The following FGGY variants were observed in gnomAD, a reference collection of about 807,000 sequenced individuals.
FGGY encodes FGGY carbohydrate kinase domain-containing protein.
A neutral mutation model predicts 71.3 loss-of-function variants in FGGY; 72 were observed. That is an observed-to-expected ratio of 1.01 (90% CI 0.84 to 1.23). The LOEUF (loss-of-function observed/expected upper bound fraction) is 1.23. Among genes scored for constraint, FGGY ranks in the 50% most tolerant of loss-of-function variants. FGGY has a pLI of 0.00. For missense variants in FGGY, 668 were observed against 682.3 expected (o/e 0.98, Z 0.23); for synonymous variants, 251 against 250.3 (o/e 1.00, Z -0.02).
intron 9 of FGGY, among the ~76,000 whole-genome samples, chr1:59,620,748 C>T (rs544216886): frequency 5.3e-4 from 81 of 152,128 alleles, no homozygotes; most frequent in African/African-American, 1.9e-3. Context: ...ACTTTGAATG[C>T]ATATTATGAT....
intron 6 of FGGY, among the ~76,000 whole-genome samples, chr1:59,459,617 T>A (rs552047469): frequency 6.6e-6 from 1 of 152,196 alleles, no homozygotes; most frequent in Admixed American, 6.5e-5. Flanking sequence ...TGTCAATAAA[T>A]TTTGACCTTT....
intron 7 of FGGY, among the ~76,000 whole-genome samples, chr1:59,522,587 C>T (rs980366627): frequency 3.3e-5 from 5 of 152,082 alleles, no homozygotes; most frequent in Non-Finnish European, 5.9e-5. Context: ...TTAATGTTGA[C>T]GTTAATTTTG....
chr1:59,657,373 A>G (rs1311694367), intron 11 of FGGY, among the ~76,000 whole-genome samples: 1 of 152,178 alleles, frequency 6.6e-6, no homozygotes, highest in Non-Finnish European at 1.5e-5. Flanking sequence ...AGGCTCTAGA[A>G]CAGTGCACTA....
chr1:59,649,175 A>T (rs916293584), intron 11 of FGGY, among the ~76,000 whole-genome samples: 8 of 149,936 alleles, frequency 5.3e-5, no homozygotes, highest in African/African-American at 2.0e-4. Flanking sequence ...GTTTGAAGTC[A>T]GGTAGTGTGA....
At position 59,321,627 on chromosome 1, in the gene FGGY, G is replaced by C; in HGVS notation, c.78G>C (p.Leu26=). ...GAACAGGCAGTGTCCGTGCAGCTCT[G>C]GTGGACCAGAGTGGGGTCCTGTTGG... The part of the protein sequence containing the change: ...DVGTGSVRAA[L]VDQSGVLLAF... The change falls in exon 2 of 16, where the codon CTG becomes CTC. Residue 26 remains leucine (L), a synonymous_variant. Transcript: ENST00000303721. 6.2e-7 allele frequency: 1 copy of C among 1,613,850 alleles called. No homozygotes were observed. The highest frequency in any genetic ancestry group is 1.1e-5 in the South Asian group (1 of 91,048).
chr1:59,381,249 G>T (rs564565860), intron 5 of FGGY, among the ~76,000 whole-genome samples: 7 of 152,156 alleles, frequency 4.6e-5, no homozygotes, highest in Admixed American at 4.6e-4. Flanking sequence ...TTGTTCTTTT[G>T]GCTTAGGATT....
chr1:59,330,111 T>C (rs188301888), intron 2 of FGGY, among the ~76,000 whole-genome samples: 1 of 152,330 alleles, frequency 6.6e-6, no homozygotes, highest in African/African-American at 2.4e-5. Context: ...CATTTTTTGT[T>C]ATCAAATAAT....
intron 11 of FGGY, among the ~76,000 whole-genome samples, chr1:59,659,903 G>A (rs977822232): frequency 1.3e-5 from 2 of 152,106 alleles, no homozygotes; most frequent in Non-Finnish European, 2.9e-5. Flanking sequence ...ATAGGTATTT[G>A]TAAGAAAAGA....
intron 6 of FGGY, among the ~76,000 whole-genome samples, chr1:59,503,182 A>G (rs17555959): frequency 0.18 from 26,685 of 152,184 alleles, 2,923 homozygotes; most frequent in Middle Eastern, 0.3. Context: ...TTGCAATATC[A>G]TAGACTCTTC....
intron 6 of FGGY, among the ~76,000 whole-genome samples, chr1:59,498,077 G>T (rs2094103515): frequency 6.6e-6 from 1 of 152,158 alleles, no homozygotes; most frequent in South Asian, 2.1e-4. Context: ...GGTATAACAG[G>T]ATTCTACATG....
intron 14 of FGGY, among the ~76,000 whole-genome samples, chr1:59,675,763 G>A (rs574894514): frequency 8.5e-5 from 13 of 152,146 alleles, no homozygotes; most frequent in Non-Finnish European, 1.5e-4. Flanking sequence ...AAACAGGGGG[G>A]ATGCTTACTA....
chr1:59,541,071 GT>G (rs2095432814), intron 7 of FGGY, among the ~76,000 whole-genome samples: 1 of 152,206 alleles, frequency 6.6e-6, no homozygotes, highest in South Asian at 2.1e-4. Flanking sequence ...TTGTTTGTTT[GT>G]TTTTTGATGT....
At chr1:59,463,077 G>C (rs943848012) in intron 6 of FGGY, among the ~76,000 whole-genome samples, 6 of 152,176 alleles carry the variant, frequency 3.9e-5, no homozygotes, top group African/African-American at 1.2e-4. Flanking sequence ...ATCAATGACA[G>C]ACTGGATTAA....
chr1:59,659,360 T>G (rs767952362), intron 11 of FGGY, among the ~76,000 whole-genome samples: 4 of 152,074 alleles, frequency 2.6e-5, no homozygotes, highest in Non-Finnish European at 5.9e-5. Flanking sequence ...ACCACTCAGC[T>G]CCCTTATTTT....
In FGGY at chr1:59,384,292, G is replaced by A. The variant is rs200943395; in HGVS notation, c.554+5455G>A. Among the ~76,000 whole-genome samples the A allele has an allele frequency of 3.3e-5, 5 of 152,028 alleles. No individual in the cohort carries two copies. The East Asian group carries it at 9.6e-4, about 29-fold the overall frequency. On this transcript the variant is annotated intron_variant, in intron 5 of 15. Coordinates refer to ENST00000303721, the MANE Select transcript of FGGY (RefSeq NM_018291.5). ...TTCCCATTTCCCTCTCTTCCAGAGA[G>A]CAAAGCCTGTGGACCTTGGGTACCA...
chr1:59,581,069 T>C lies in FGGY; in HGVS notation c.904-26734T>C, dbSNP rs905743202. On this transcript the variant is annotated intron_variant, in intron 8 of 15. Coordinates refer to ENST00000303721, the MANE Select transcript of FGGY (RefSeq NM_018291.5). ...CTGTTGAGCACATGAAGTCATTTTC[T>C]TTCTTCCCTGAAATGCTTTGGGGGA... Among the ~76,000 whole-genome samples the C allele has an allele frequency of 4.4e-5, 6 of 136,958 alleles. 2 individuals carry two copies. Among genetic ancestry groups the C allele is most frequent in the African/African-American group, 1.9e-4 (6 of 30,900 alleles). 89.8% of individuals were successfully genotyped at this position (136,958 alleles called of 152,430 possible).
At chr1:59,525,947 AT>A (rs2094964997) in intron 7 of FGGY, among the ~76,000 whole-genome samples, 1 of 152,052 alleles carries the variant, frequency 6.6e-6, no homozygotes, top group Non-Finnish European at 1.5e-5. Context: ...GTATATCTGT[AT>A]GTAGTTGTGC....
intron 14 of FGGY, among the ~76,000 whole-genome samples, chr1:59,693,303 C>T (rs983226429): frequency 1.3e-5 from 2 of 152,226 alleles, no homozygotes; most frequent in African/African-American, 4.8e-5. Flanking sequence ...AGTTTTCTAT[C>T]AGTAAAATTT....
At chr1:59,495,041 C>T (rs2093989776) in intron 6 of FGGY, among the ~76,000 whole-genome samples, 1 of 152,138 alleles carries the variant, frequency 6.6e-6, no homozygotes, top group South Asian at 2.1e-4. Context: ...TAATGATAGC[C>T]ATTCTGACTG....
Sources: gnomAD v4.1 joint callset for allele counts (sites outside exome capture counted in the v4.1 genomes callset) on GRCh38, gnomAD v4.1.1 for gene constraint, MANE v1.5 for transcripts, NCBI Gene and HGNC (gene_info 2026-07-23, HGNC 2026-07-21) for gene names.